ANKRD11: variants seen among roughly 807,000 people sequenced by gnomAD.
The protein encoded by ANKRD11 is ankyrin repeat domain-containing protein 11.
A neutral mutation model predicts 195.7 loss-of-function variants in ANKRD11; 17 were observed. That is an observed-to-expected ratio of 0.09 (90% CI 0.06 to 0.13). ANKRD11 has a LOEUF of 0.13. Ranked by LOEUF, ANKRD11 falls within the 10% of genes least tolerant of loss-of-function variation. The pLI is 1.00. For missense variants in ANKRD11, 3,735 were observed against 3,566.1 expected, an observed-to-expected ratio of 1.05 and a Z score of -1.21; for synonymous variants, 1,953 against 1,528.1, an observed-to-expected ratio of 1.28 and a Z score of -6.49.
At chr16:89,273,337 G>C (rs765788528) in intron 11 of ANKRD11, among the ~76,000 whole-genome samples, 1 of 152,060 alleles carries the variant, frequency 6.6e-6, no homozygotes, top group African/African-American at 2.4e-5. Flanking sequence ...TCTCACCTGC[G>C]GTACAAGAAT....
Position 89,283,402 on chromosome 16 carries a change from T to G in ANKRD11, c.3140A>C (p.Gln1047Pro). 6.2e-7 allele frequency: 1 copy of G among 1,614,136 alleles called. No homozygotes were observed. The highest frequency in any genetic ancestry group is 8.5e-7 in the Non-Finnish European group (1 of 1,180,056). The stretch of plus-strand genomic sequence containing the variant: ...ACATTTATCAAATTCTTTGTCCTTC[T>G]GACATTTTTCCAGGATTGATTTCTC... Reference protein sequence around the residue: ...KSEKSILEKCQKDKEFDKCFK... With the variant: ...KSEKSILEKCPKDKEFDKCFK... The change falls in exon 9 of 13, where the codon CAG (glutamine) becomes CCG (proline). Residue 1047 changes from glutamine (Q) to proline (P), a missense_variant. Coordinates refer to ENST00000301030, the MANE Select transcript of ANKRD11 (RefSeq NM_013275.6). This position sits in a 1 kb window ranked among gnomAD's most constrained non-coding sequence, Gnocchi z 4.3.
chr16:89,279,871 T>C lies in ANKRD11; in HGVS notation c.6671A>G (p.Glu2224Gly). The change falls in exon 9 of 13, where the codon GAG becomes GGG. Residue 2224 changes from glutamate (E) to glycine (G), a missense_variant. Glu to Gly is a moderately conservative substitution (Grantham distance 98). Transcript: ENST00000301030. The surrounding 1 kb of genome is among the most constrained non-coding windows in gnomAD (Gnocchi z 5.6). ...ACGGGCCCTCTCTTCCGGCACCGTC[T>C]CCGCCTCCACCGCAGCTTCTAGAGC... ...DVALEAAVEA[E>G]TVPEERARGD... 4 of 1,573,388 alleles carry C rather than the reference T, an allele frequency of 2.5e-6. No individual in the cohort carries two copies. The highest frequency in any genetic ancestry group is 3.4e-6 in the Non-Finnish European group (4 of 1,160,938).
At chr16:89,389,993 C>T (rs1451588148) in intron 2 of ANKRD11, among the ~76,000 whole-genome samples, 1 of 65,952 alleles carries the variant, frequency 1.5e-5, no homozygotes, top group Non-Finnish European at 2.8e-5. Flanking sequence ...CGGGGAGCAC[C>T]GAGAGAGAAG....
At position 89,281,365 on chromosome 16, in the gene ANKRD11, G is replaced by T; in HGVS notation, c.5177C>A (p.Ser1726Tyr). The change falls in exon 9 of 13, where the codon TCC becomes TAC. Residue 1726 changes from serine (S) to tyrosine (Y), a missense_variant. Physicochemically the swap from Ser to Tyr is moderately radical, Grantham distance 144. Coordinates refer to ENST00000301030, the MANE Select transcript of ANKRD11 (RefSeq NM_013275.6). This position sits in a 1 kb window ranked among gnomAD's most constrained non-coding sequence, Gnocchi z 5.5. Reference sequence around the variant, plus strand: ...GTCCGCGTAGTCATCGGCGCTGCAGGACGGGGTCCTGGGCGTGTGCATCAC... The same window carrying T: ...GTCCGCGTAGTCATCGGCGCTGCAGTACGGGGTCCTGGGCGTGTGCATCAC... ...EEVMHTPRTP[S>Y]CSADDYADLV... The T allele has an allele frequency of 6.2e-7, 1 of 1,610,478 alleles. No homozygotes were observed. The highest frequency in any genetic ancestry group is 8.5e-7 in the Non-Finnish European group (1 of 1,177,138).
chr16:89,341,799 C>G (rs1250550093), intron 2 of ANKRD11, among the ~76,000 whole-genome samples: 1 of 152,040 alleles, frequency 6.6e-6, no homozygotes, highest in Non-Finnish European at 1.5e-5. Context: ...ATGGCAGAGT[C>G]TGGCACGGAT....
At chr16:89,378,201 A>G (rs892631315) in intron 2 of ANKRD11, among the ~76,000 whole-genome samples, 18 of 152,132 alleles carry the variant, frequency 1.2e-4, no homozygotes, top group African/African-American at 3.6e-4. Flanking sequence ...AAGAAGCGGG[A>G]AAAAAAGTGC....
At chr16:89,404,220 G>C (rs750505038) in intron 2 of ANKRD11, among the ~76,000 whole-genome samples, 38 of 152,150 alleles carry the variant, frequency 2.5e-4, no homozygotes, top group Admixed American at 7.2e-4. Context: ...GGGAAGCCCA[G>C]TTTGGCCGAC....
At chr16:89,334,187 A>AG (rs1233245215) in intron 2 of ANKRD11, among the ~76,000 whole-genome samples, 3 of 149,302 alleles carry the variant, frequency 2.0e-5, no homozygotes, top group African/African-American at 7.5e-5. Flanking sequence ...AGAGAGAGAG[A>AG]AAGAAAGAAA....
chr16:89,268,595 C>T lies in ANKRD11; in HGVS notation c.7875G>A (p.Gln2625=), dbSNP rs2032836692. ...ALNAVQRMEW[Q]LKVQELDPAG... ...CGGGGTCCAGTTCCTGCACCTTCAG[C>T]TGCCACTCCATCCTCTGCACGGCGT... Residue 2625 remains glutamine (Q), a synonymous_variant, in exon 13 of 13, where the codon CAG becomes CAA. Coordinates refer to ENST00000301030, the MANE Select transcript of ANKRD11 (RefSeq NM_013275.6). 6.4e-7 allele frequency: 1 copy of T among 1,550,572 alleles called. No homozygotes were observed. The highest frequency in any genetic ancestry group is 2.4e-5 in the East Asian group (1 of 41,346).
chr16:89,358,270 G>A (rs1322274503), intron 2 of ANKRD11, among the ~76,000 whole-genome samples: 1 of 152,246 alleles, frequency 6.6e-6, no homozygotes, highest in African/African-American at 2.4e-5. Flanking sequence ...TGCAGAAGAC[G>A]TAGAGCACAC....
rs1296646647 is a variant in ANKRD11 at position 89,399,426 on chromosome 16, C to T, written c.-60+18858G>A. 2.0e-5 allele frequency among the ~76,000 whole-genome samples: 3 copies of T among 152,142 alleles called. 1 individual carries two copies. Among genetic ancestry groups the T allele is most frequent in the South Asian group, 4.2e-4 (2 of 4,816 alleles). On this transcript the variant is annotated intron_variant, in intron 2 of 12. Transcript: ENST00000301030. ...CCGTCTCCAAGGACTACACGCTGTA[C>T]GGTTCCGACTCTGACATCCAGGAAA...
At chr16:89,481,349 C>A (rs540427207) in intron 1 of ANKRD11, among the ~76,000 whole-genome samples, 1 of 152,252 alleles carries the variant, frequency 6.6e-6, no homozygotes, top group Admixed American at 6.5e-5. Flanking sequence ...AGGAGGACTA[C>A]TTGAGGCCAG....
At chr16:89,472,429 T>A (rs2057117622) in intron 1 of ANKRD11, among the ~76,000 whole-genome samples, 1 of 152,026 alleles carries the variant, frequency 6.6e-6, no homozygotes, top group Non-Finnish European at 1.5e-5. Context: ...AACCTAGGAA[T>A]GAAAAGATCC....
chr16:89,382,282 G>A (rs926277511), intron 2 of ANKRD11, among the ~76,000 whole-genome samples: 1 of 151,940 alleles, frequency 6.6e-6, no homozygotes, highest in African/African-American at 2.4e-5. Context: ...GCCTCTAACT[G>A]CATCTTAAAC....
chr16:89,430,389 G>A (rs544574660), intron 1 of ANKRD11, among the ~76,000 whole-genome samples: 3 of 148,302 alleles, frequency 2.0e-5, no homozygotes, highest in Admixed American at 6.7e-5. Flanking sequence ...TACACAGCAG[G>A]GACTCTCAAC....
intron 4 of ANKRD11, among the ~76,000 whole-genome samples, chr16:89,296,105 C>T (rs1422410566): frequency 6.6e-6 from 1 of 151,180 alleles, no homozygotes; most frequent in East Asian, 2.0e-4. Flanking sequence ...CCTCCCACTT[C>T]AGCCTCAGGA....
At chr16:89,304,807 T>A (rs1390629162) in intron 4 of ANKRD11, among the ~76,000 whole-genome samples, 1 of 152,310 alleles carries the variant, frequency 6.6e-6, no homozygotes, top group African/African-American at 2.4e-5. Context: ...CTTTTAGGGC[T>A]CCCTTTGGTT....
intron 2 of ANKRD11, among the ~76,000 whole-genome samples, chr16:89,360,199 C>G (rs2039673168): frequency 6.6e-6 from 1 of 152,196 alleles, no homozygotes; most frequent in African/African-American, 2.4e-5. Flanking sequence ...AGGCTAATAG[C>G]CTCCAGCTCC....
chr16:89,326,385 C>T (rs937475295), intron 2 of ANKRD11, among the ~76,000 whole-genome samples: 1 of 151,770 alleles, frequency 6.6e-6, no homozygotes, highest in African/African-American at 2.4e-5. Context: ...ACCGCCCCCC[C>T]CACCCCGCTG....
Sources: allele counts gnomAD v4.1 joint callset (sites outside exome capture counted in the v4.1 genomes callset), GRCh38; gene constraint gnomAD v4.1.1; non-coding constraint Gnocchi (gnomAD v3.1); transcripts MANE v1.5; gene names NCBI Gene and HGNC (gene_info 2026-07-23, HGNC 2026-07-21).